INPP5F: variants seen among roughly 807,000 people sequenced by gnomAD.
INPP5F encodes the protein phosphatidylinositide 4-phosphatase SAC2.
Under a neutral mutation model 137.2 loss-of-function variants are expected in INPP5F, and 97 were observed. That is an observed-to-expected ratio of 0.71 (90% confidence interval 0.60 to 0.84). The LOEUF (loss-of-function observed/expected upper bound fraction) is 0.84, where lower values mean the gene tolerates loss of function less well. Ranked by LOEUF, INPP5F falls within the 40% of genes least tolerant of loss-of-function variation. The pLI is 0.00. For synonymous variants in INPP5F, 504 were observed against 476.9 expected (o/e 1.06, Z -0.74); for missense variants, 1,271 against 1,371.9 (o/e 0.93, Z 1.16).
chr10:119,810,287 G>A (rs1564845707), intron 14 of INPP5F, 70 bp downstream of exon 14: 7 of 789,182 alleles, frequency 8.9e-6, no homozygotes, highest in Non-Finnish European at 4.3e-6. Context: ...ACAGAAACCA[G>A]CTTCATTAAC....
chr10:119,742,594 G>A (rs931444895), intron 1 of INPP5F, among the ~76,000 whole-genome samples: 1 of 152,196 alleles, frequency 6.6e-6, no homozygotes, highest in Non-Finnish European at 1.5e-5. Flanking sequence ...AGAAAAAAAG[G>A]CATTTTGGAG....
chr10:119,763,453 C>T (rs530278843), intron 2 of INPP5F, among the ~76,000 whole-genome samples: 28 of 152,358 alleles, frequency 1.8e-4, no homozygotes, highest in African/African-American at 6.5e-4. Context: ...TGGGCTTGTT[C>T]TGCCTTTGTC....
intron 2 of INPP5F, among the ~76,000 whole-genome samples, chr10:119,773,128 C>T (rs1589699312): frequency 1.3e-5 from 2 of 152,104 alleles, no homozygotes; most frequent in South Asian, 2.1e-4. Context: ...TTGAATTCAG[C>T]TTACTGCAAC....
chr10:119,821,119 C>T (rs553106264), intron 16 of INPP5F, among the ~76,000 whole-genome samples: 203 of 152,266 alleles, frequency 1.3e-3, no homozygotes, highest in African/African-American at 4.7e-3. Flanking sequence ...CAAGATTTTA[C>T]AGTTAAATTA....
chr10:119,758,252 A>G (rs1351416307), intron 2 of INPP5F, among the ~76,000 whole-genome samples: 2 of 152,208 alleles, frequency 1.3e-5, no homozygotes, highest in African/African-American at 4.8e-5. Flanking sequence ...AAAGCATCTC[A>G]TATGGGTGGA....
intron 6 of INPP5F, 140 bp from the exon 7 acceptor site, chr10:119,796,575 A>C: frequency 1.3e-6 from 1 of 753,800 alleles, no homozygotes; most frequent in Non-Finnish European, 2.4e-6. Flanking sequence ...GGTGTTCTTC[A>C]ATAAGCAGAA....
At chr10:119,734,329 T>A (rs959864608) in intron 1 of INPP5F, among the ~76,000 whole-genome samples, 3 of 152,286 alleles carry the variant, frequency 2.0e-5, no homozygotes, top group African/African-American at 7.2e-5. Flanking sequence ...TTGGGGTATA[T>A]CCCAACACAT....
rs1787312875 is a variant in INPP5F at position 119,827,428 on chromosome 10, T to A, written c.3047T>A (p.Val1016Asp). Residue 1016 changes from valine to aspartate, a missense_variant, in exon 20 of 20, where the codon GTC becomes GAC. Physicochemically the swap from Val to Asp is radical, Grantham distance 152. Around this residue, in one of 6 missense-constraint regions of INPP5F, gnomAD observed 490 missense variants for 443.7 expected, o/e 1.10. Transcript: ENST00000650623. The part of the protein sequence containing the change: ...QTPSRPSQLD[V>D]SLSATGPQFL... ...CCTTCTCGGCCATCGCAATTAGATG[T>A]CTCTCTTTCTGCAACAGGCCCACAG... is the stretch of plus-strand genomic sequence containing the variant. The A allele has an allele frequency of 6.2e-7, 1 of 1,614,018 alleles. No homozygotes were observed. The highest frequency in any genetic ancestry group is 8.5e-7 in the Non-Finnish European group (1 of 1,180,030).
At chr10:119,794,420 T>C (rs1466491600) in intron 6 of INPP5F, among the ~76,000 whole-genome samples, 1 of 152,000 alleles carries the variant, frequency 6.6e-6, no homozygotes, top group East Asian at 1.9e-4. Context: ...CGTCTACCTC[T>C]TTCTACACAG....
At chr10:119,821,681 CTCTT>C (rs1023850574) in intron 16 of INPP5F, among the ~76,000 whole-genome samples, 6 of 151,698 alleles carry the variant, frequency 4.0e-5, no homozygotes, top group Admixed American at 6.6e-5. Flanking sequence ...TAGTTTGTTT[CTCTT>C]TCTGTCTTTC....
At position 119,827,582 on chromosome 10, in the gene INPP5F, A is replaced by AGTCTCT. The variant is rs1564860326; in HGVS notation, c.3202_3207dup (p.Val1068_Ser1069dup). On this transcript the variant is annotated inframe_insertion, in exon 20 of 20. Transcript: ENST00000650623. ...CTTCAGAGAGCAGTAGCAGCAGAGC[A>AGTCTCT]GTCTCTCCCTTTGCCAAGATTCGAA... The AGTCTCT allele has an allele frequency of 6.2e-7, 1 of 1,614,182 alleles. No homozygotes were observed. The highest frequency in any genetic ancestry group is 1.1e-5 in the South Asian group (1 of 91,082).
At chr10:119,796,400 A>G (rs1850383817) in intron 6 of INPP5F, among the ~76,000 whole-genome samples, 1 of 152,234 alleles carries the variant, frequency 6.6e-6, no homozygotes, top group African/African-American at 2.4e-5. Flanking sequence ...TTCACAATTC[A>G]TGAAGTAGTT....
At position 119,811,445 on chromosome 10, in the gene INPP5F, T is replaced by C. The variant is rs531870568; in HGVS notation, c.1688-312T>C. ...TTACAATTGCCTTATCTTTTTATTA[T>C]TGATTTATACCAGATAGATGAATTG... On this transcript the variant is annotated intron_variant, in intron 14 of 19. Transcript: ENST00000650623. Among the ~76,000 whole-genome samples the C allele has an allele frequency of 3.3e-5, 5 of 152,356 alleles. No individual in the cohort carries two copies. In the South Asian group the frequency reaches 8.3e-4, roughly 25 times the overall value.
rs770290302 is a variant in INPP5F, at chr10:119,785,286, G to GTTGTTTTTT, written c.315+3517_315+3518insGTTTTTTTT. On this transcript the variant is annotated intron_variant, in intron 3 of 19. Transcript: ENST00000650623. ...TAACCTTTTGTGGAACTGCCAGACT[G>GTTGTTTTTT]TTTTTTTTTTTTTTTTGGAGACGGA... Among the ~76,000 whole-genome samples the GTTGTTTTTT allele has an allele frequency of 4.3e-3, 454 of 106,210 alleles. 8 individuals carry two copies. Among genetic ancestry groups the GTTGTTTTTT allele is most frequent in the Admixed American group, 0.029 (292 of 10,190 alleles). The allele number at this position is 106,210 out of a possible 152,430, so 69.7% of individuals were successfully genotyped here.
chr10:119,728,253 C>T (rs1847947618), intron 1 of INPP5F, among the ~76,000 whole-genome samples: 1 of 152,172 alleles, frequency 6.6e-6, no homozygotes, highest in Non-Finnish European at 1.5e-5. Context: ...AAGTAACAGC[C>T]AGTTTTGATC....
At position 119,748,378 on chromosome 10, in the gene INPP5F, G is replaced by A. The variant is rs1289553582; in HGVS notation, c.98-2698G>A. On this transcript the variant is annotated intron_variant, in intron 1 of 19. Transcript: ENST00000650623. The surrounding 1 kb of genome is among the most constrained non-coding windows in gnomAD (Gnocchi z 4.7). ...GGTCTGGTGTTCCCGAAGGGCCGCA[G>A]CCCTTTCCTCCTTGTTGCCCACAAC... Among the ~76,000 whole-genome samples the A allele has an allele frequency of 6.6e-5, 10 of 152,224 alleles. No homozygotes were observed. Among genetic ancestry groups the A allele is most frequent in the Admixed American group, 6.5e-4 (10 of 15,286 alleles).
intron 16 of INPP5F, among the ~76,000 whole-genome samples, 171 bp from the exon 17 acceptor site, chr10:119,822,260 C>G (rs1052651565): frequency 6.6e-6 from 1 of 152,010 alleles, no homozygotes; most frequent in Non-Finnish European, 1.5e-5. Context: ...ATATGTTATT[C>G]TTGTTTAATT....
intron 1 of INPP5F, among the ~76,000 whole-genome samples, chr10:119,741,580 G>T (rs1399329379): frequency 6.6e-6 from 1 of 152,032 alleles, no homozygotes; most frequent in East Asian, 1.9e-4. Context: ...TGTCACCCAG[G>T]CTGGAGTGCA....
intron 1 of INPP5F, among the ~76,000 whole-genome samples, chr10:119,728,372 A>G (rs1847950995): frequency 6.6e-6 from 1 of 152,236 alleles, no homozygotes; most frequent in Non-Finnish European, 1.5e-5. Flanking sequence ...CTATTTAAGA[A>G]TGGCATTTTA....
Sources: allele counts gnomAD v4.1 joint callset (sites outside exome capture counted in the v4.1 genomes callset), GRCh38; gene constraint gnomAD v4.1.1; regional missense constraint gnomAD v4.1.1; non-coding constraint Gnocchi (gnomAD v3.1); transcripts MANE v1.5; gene names NCBI Gene and HGNC (gene_info 2026-07-23, HGNC 2026-07-21).